Variants in TXLNB observed in about 807,000 individuals in gnomAD.
TXLNB encodes beta-taxilin.
TXLNB carries 37 observed loss-of-function variants against 57.4 expected under a neutral mutation model. That is an observed-to-expected ratio of 0.64 (90% CI 0.50 to 0.85). TXLNB has a LOEUF of 0.85. Ranked by LOEUF, TXLNB falls within the 40% of genes least tolerant of loss-of-function variation. The pLI is 0.00. For synonymous variants in TXLNB, 302 were observed against 309.6 expected, an observed-to-expected ratio of 0.98 and a Z score of 0.26; for missense variants, 848 against 825.6, an observed-to-expected ratio of 1.03 and a Z score of -0.33.
chr6:139,242,933 G>A lies in TXLNB; in HGVS notation c.1648C>T (p.Arg550Trp), dbSNP rs1368681242. The A allele has an allele frequency of 1.9e-5, 31 of 1,614,030 alleles. 1 individual carries two copies. The East Asian group carries it at 4.7e-4, about 24-fold the overall frequency. Residue 550 changes from arginine to tryptophan, a missense_variant, in exon 10 of 10, where the codon CGG (arginine) becomes TGG (tryptophan). Coordinates refer to ENST00000358430, the MANE Select transcript of TXLNB (RefSeq NM_153235.4). ...GGAGGCAGGGGACTCTCTGAATCCC[G>A]TGAAGGGATCAGAGGGGGTTGCTCT... is the stretch of plus-strand genomic sequence containing the variant. ...EPEQPPLIPS[R>W]DSESPLPPLT...
At chr6:139,239,892 C>T (rs1775887928), downstream of TXLNB, among the ~76,000 whole-genome samples, 2 of 151,968 alleles carry the variant, frequency 1.3e-5, no homozygotes. This position sits in a 1 kb window ranked among gnomAD's most constrained non-coding sequence, Gnocchi z 4.7. Flanking sequence ...ACACCCCCGC[C>T]CCCAATATCT....
At chr6:139,198,246 T>G in the TXLNB span, among the ~76,000 whole-genome samples, 1 of 151,890 alleles carries the variant, frequency 6.6e-6, no homozygotes, top group Non-Finnish European at 1.5e-5. Context: ...GGAAGCAACA[T>G]GCCCAGACAA....
chr6:139,307,923 G>T, the TXLNB span, among the ~76,000 whole-genome samples: 5 of 152,210 alleles, frequency 3.3e-5, no homozygotes, highest in African/African-American at 1.2e-4. Flanking sequence ...AAACACATGG[G>T]TCTAGGGACC....
chr6:139,302,035 C>A, the TXLNB span, among the ~76,000 whole-genome samples: 1 of 151,924 alleles, frequency 6.6e-6, no homozygotes, highest in African/African-American at 2.4e-5. Context: ...TATATATATT[C>A]TTAATTGAAA....
chr6:139,204,936 C>T, the TXLNB span, among the ~76,000 whole-genome samples: 2 of 152,318 alleles, frequency 1.3e-5, no homozygotes, highest in Non-Finnish European at 2.9e-5. Context: ...CACCCCCCAT[C>T]CCCACAGTGG....
At chr6:139,275,166 G>T (rs191017521) in intron 3 of TXLNB, among the ~76,000 whole-genome samples, 10 of 152,018 alleles carry the variant, frequency 6.6e-5, no homozygotes, top group Admixed American at 6.5e-4. Flanking sequence ...TAAAAAAGAA[G>T]GAAAAAGAAC....
At chr6:139,306,991 G>A in the TXLNB span, among the ~76,000 whole-genome samples, 1 of 152,146 alleles carries the variant, frequency 6.6e-6, no homozygotes, top group African/African-American at 2.4e-5. Flanking sequence ...GATTTCACTA[G>A]TATCTCTATT....
At chr6:139,162,950 C>T in the TXLNB span, among the ~76,000 whole-genome samples, 4 of 152,166 alleles carry the variant, frequency 2.6e-5, no homozygotes, top group Non-Finnish European at 4.4e-5. Flanking sequence ...TCTTTCCCTG[C>T]CCTACAGTTA....
At chr6:139,250,176 G>GTT (rs1776162602) in intron 7 of TXLNB, among the ~76,000 whole-genome samples, 1 of 123,858 alleles carries the variant, frequency 8.1e-6, no homozygotes, top group Non-Finnish European at 1.6e-5. Context: ...CCCATGTCTG[G>GTT]CTTTTTTTTT....
upstream of TXLNB, among the ~76,000 whole-genome samples, chr6:139,295,858 A>C (rs1777379951): frequency 6.6e-6 from 1 of 152,016 alleles, no homozygotes. Context: ...TTTTTCCTGG[A>C]GTTGATAATT....
At chr6:139,188,341 G>A in the TXLNB span, among the ~76,000 whole-genome samples, 1 of 152,132 alleles carries the variant, frequency 6.6e-6, no homozygotes, top group Admixed American at 6.6e-5. Context: ...TAATAAGGAT[G>A]GATAGAAATT....
intron 5 of TXLNB, among the ~76,000 whole-genome samples, chr6:139,262,070 A>ATT (rs371903271): frequency 1.3e-5 from 2 of 150,260 alleles, no homozygotes; most frequent in African/African-American, 2.4e-5. Context: ...CGCCTGGCTA[A>ATT]TTTTTTTTTG....
At chr6:139,193,286 G>A in the TXLNB span, among the ~76,000 whole-genome samples, 6 of 118,484 alleles carry the variant, frequency 5.1e-5, no homozygotes, top group African/African-American at 1.9e-4. Context: ...ATCTCAGTCT[G>A]TTTCATGGCT....
the TXLNB span, chr6:139,197,589 C>T: frequency 6.6e-6 from 1 of 152,154 alleles, no homozygotes; most frequent in African/African-American, 2.4e-5. Context: ...AAAAAGGTCT[C>T]TGTAATCTAG....
chr6:139,274,974 T>C (rs925727700), intron 3 of TXLNB, among the ~76,000 whole-genome samples: 1 of 152,210 alleles, frequency 6.6e-6, no homozygotes, highest in Non-Finnish European at 1.5e-5. Context: ...ATTATTTTTA[T>C]GGTATTGAAA....
downstream of TXLNB, among the ~76,000 whole-genome samples, chr6:139,236,007 G>A (rs1043491767): frequency 2.0e-5 from 3 of 152,098 alleles, no homozygotes; most frequent in Admixed American, 6.5e-5. Context: ...GAGTCCGGAC[G>A]CTGGGCAGCC....
At chr6:139,195,564 T>A in the TXLNB span, among the ~76,000 whole-genome samples, 4,282 of 152,298 alleles carry the variant, frequency 0.028, 78 homozygotes, top group East Asian at 0.054. Context: ...GTGAAAAATT[T>A]CAAAAGAACC....
In TXLNB at chr6:139,242,477, G is replaced by A; in HGVS notation, c.*49C>T. ...CCTTTTTCGGAAGACAAGCTGTTAT[G>A]CTGAATATGCAAAGAGGCAGGAAGA... On this transcript the variant is annotated 3_prime_UTR_variant, in exon 10 of 10. Coordinates refer to ENST00000358430, the MANE Select transcript of TXLNB (RefSeq NM_153235.4). The A allele has an allele frequency of 2.1e-6, 3 of 1,427,384 alleles. No homozygotes were observed. The highest frequency in any genetic ancestry group is 2.8e-6 in the Non-Finnish European group (3 of 1,083,312). 88.4% of individuals were successfully genotyped at this position (1,427,384 alleles called of 1,614,324 possible).
At chr6:139,296,729 G>A (rs141515661), upstream of TXLNB, among the ~76,000 whole-genome samples, 2 of 152,182 alleles carry the variant, frequency 1.3e-5, no homozygotes, top group Non-Finnish European at 2.9e-5. Flanking sequence ...AGGACCCTTT[G>A]TTCTAACTGT....
Sources: allele counts gnomAD v4.1 joint callset (sites outside exome capture counted in the v4.1 genomes callset), GRCh38; gene constraint gnomAD v4.1.1; non-coding constraint Gnocchi (gnomAD v3.1); transcripts MANE v1.5; gene names NCBI Gene and HGNC (gene_info 2026-07-23, HGNC 2026-07-21).